Variants in PLCXD1 observed in about 807,000 individuals in gnomAD.
PLCXD1 encodes PI-PLC X domain-containing protein 1.
PLCXD1 carries 45 observed loss-of-function variants against 37.8 expected under a neutral mutation model. That is an observed-to-expected ratio of 1.19 (90% CI 0.94 to 1.53). PLCXD1 has a LOEUF of 1.53. PLCXD1 is among the 40% of genes most tolerant of loss of function. The pLI is 0.00. For missense variants in PLCXD1, 539 were observed against 454.7 expected (o/e 1.19, Z -1.69); for synonymous variants, 246 against 206.9 (o/e 1.19, Z -1.62).
chrX:288,165 C>T lies in PLCXD1; in HGVS notation c.128-568C>T, dbSNP rs2069516579. Among the ~76,000 whole-genome samples the T allele has an allele frequency of 2.0e-5, 3 of 151,870 alleles. No homozygotes were observed. In the South Asian group the frequency reaches 6.2e-4, roughly 32 times the overall value. On this transcript the variant is annotated intron_variant, in intron 2 of 6. Transcript: ENST00000381657. ...ACCCAGCACAAAGCCAAGATGACTT[C>T]ATCTTGAGCATTTTGAGAGCATGTG...
intron 6 of PLCXD1, among the ~76,000 whole-genome samples, chrX:295,008 A>G (rs1238954462): frequency 6.6e-6 from 1 of 151,736 alleles, no homozygotes; most frequent in African/African-American, 2.4e-5. Context: ...CTCTAGTAAA[A>G]ATACAAAAAG....
intron 2 of PLCXD1, among the ~76,000 whole-genome samples, chrX:284,630 G>T (rs1377689403): frequency 6.7e-6 from 1 of 148,254 alleles, no homozygotes; most frequent in Non-Finnish European, 1.5e-5. Context: ...ATCTGCACAC[G>T]CACATCTGCA....
rs935812202 is a variant in PLCXD1 at position 300,922 on chromosome X, C to G, written c.*1587C>G. The G allele has an allele frequency of 6.6e-6, 1 of 152,152 alleles. No homozygotes were observed. Among genetic ancestry groups the G allele is most frequent in the African/African-American group, 2.4e-5 (1 of 41,416 alleles). The allele number at this position is 152,152 out of a possible 1,614,324, so 9.4% of individuals were successfully genotyped here. ...TTCTCCGCGTTGGTCAGGCCGTTCT[C>G]AAACTTCTGACCTCAGGTGATCTGC... is the stretch of plus-strand genomic sequence containing the variant. On this transcript the variant is annotated 3_prime_UTR_variant, in exon 7 of 7. Transcript: ENST00000381657.
intron 2 of PLCXD1, among the ~76,000 whole-genome samples, 175 bp downstream of exon 2, chrX:284,489 CGT>C (rs1205810780): frequency 6.6e-6 from 1 of 152,172 alleles, no homozygotes. Context: ...ACAGTGCACA[CGT>C]GTGTGCATAC....
chrX:295,308 G>A (rs938510476), intron 6 of PLCXD1, among the ~76,000 whole-genome samples: 3 of 152,162 alleles, frequency 2.0e-5, no homozygotes, highest in African/African-American at 7.2e-5. Context: ...CCTGAGGGAG[G>A]GAGGGAGGAA....
At chrX:295,610 C>T (rs1230207226) in intron 6 of PLCXD1, among the ~76,000 whole-genome samples, 12 of 151,722 alleles carry the variant, frequency 7.9e-5, no homozygotes, top group African/African-American at 2.2e-4. Context: ...CTGCAACCTC[C>T]GTCTCCCGGG....
upstream of PLCXD1, among the ~76,000 whole-genome samples, chrX:279,409 C>A (rs1226977197): frequency 2.6e-5 from 4 of 152,162 alleles, no homozygotes; most frequent in African/African-American, 9.7e-5. Flanking sequence ...GACTGCTCCA[C>A]TGGTGGTGAG....
chrX:290,234 T>C (rs1426388399), intron 3 of PLCXD1, among the ~76,000 whole-genome samples: 1 of 152,066 alleles, frequency 6.6e-6, no homozygotes, highest in Non-Finnish European at 1.5e-5. Flanking sequence ...GAGACCGTCC[T>C]GGCTAACATG....
intron 2 of PLCXD1, among the ~76,000 whole-genome samples, chrX:284,809 C>T (rs1376160111): frequency 1.3e-5 from 2 of 152,198 alleles, no homozygotes; most frequent in African/African-American, 2.4e-5. Flanking sequence ...CTCACAATCA[C>T]GGCAGAAGGT....
chrX:297,831 G>A (rs867894177), intron 6 of PLCXD1, among the ~76,000 whole-genome samples: 746 of 20,498 alleles, frequency 0.036, no homozygotes, highest in Middle Eastern at 0.062. Flanking sequence ...GGATTAGGAC[G>A]TGGACATCTT....
chrX:292,607 C>T (rs2069672361), intron 5 of PLCXD1, among the ~76,000 whole-genome samples: 2 of 151,672 alleles, frequency 1.3e-5, no homozygotes, highest in Non-Finnish European at 1.5e-5. Context: ...TGCACCTGGC[C>T]ATACTTAATT....
At chrX:280,250 A>T, upstream of PLCXD1, among the ~76,000 whole-genome samples, 2 of 151,470 alleles carry the variant, frequency 1.3e-5, no homozygotes, top group Non-Finnish European at 2.9e-5. Context: ...CTCCAGGCAG[A>T]TCACTGCACA....
chrX:289,865 T>A (rs1198653545), intron 3 of PLCXD1, among the ~76,000 whole-genome samples: 1 of 152,054 alleles, frequency 6.6e-6, no homozygotes, highest in Non-Finnish European at 1.5e-5. Flanking sequence ...ATTTCTCGTG[T>A]CTTTAGGACC....
chrX:288,948 C>T, intron 3 of PLCXD1, 79 bp downstream of exon 3: 2 of 1,413,236 alleles, frequency 1.4e-6, no homozygotes, highest in East Asian at 2.3e-5. Flanking sequence ...GAAATGGCCC[C>T]TCACCCAGGT....
chrX:287,809 C>G (rs933707250), intron 2 of PLCXD1, among the ~76,000 whole-genome samples: 1 of 151,168 alleles, frequency 6.6e-6, no homozygotes, highest in African/African-American at 2.4e-5. Flanking sequence ...GTGTCATAGG[C>G]AGGAAATGCA....
rs187255404 is a variant in PLCXD1 at position 291,398 on chromosome X, G to A, written c.394-101G>A. ...TAACCTCAGGTGATCCACCCGCCTC[G>A]GCCTCCCAAATTGCTGGGATGACAG... On this transcript the variant is annotated intron_variant, in intron 4 of 6. Coordinates refer to ENST00000381657, the MANE Select transcript of PLCXD1 (RefSeq NM_018390.4). 2,550 of 1,340,296 alleles carry A rather than the reference G, an allele frequency of 1.9e-3. 37 individuals carry two copies. The African/African-American group carries it at 0.032, about 17-fold the overall frequency. 83.0% of individuals were successfully genotyped at this position (1,340,296 alleles called of 1,614,324 possible). A position where few individuals can be genotyped will look rare whatever the true frequency, so the allele number is the denominator to read the frequency against.
chrX:279,206 G>A (rs180956140), upstream of PLCXD1, among the ~76,000 whole-genome samples: 397 of 152,286 alleles, frequency 2.6e-3, 3 homozygotes, highest in East Asian at 0.018. Context: ...GAGAACTCAC[G>A]ATAGTAAAAT....
intron 5 of PLCXD1, among the ~76,000 whole-genome samples, chrX:292,213 T>C (rs968046467): frequency 5.5e-4 from 84 of 151,930 alleles, no homozygotes; most frequent in Non-Finnish European, 1.5e-4. Flanking sequence ...CCCAGGACTT[T>C]GGGAGGCCGA....
intron 3 of PLCXD1, 140 bp downstream of exon 3, chrX:289,009 T>C (rs1434847978): frequency 6.6e-6 from 5 of 763,200 alleles, no homozygotes; most frequent in Admixed American, 4.9e-5. Flanking sequence ...CTATCCCAGC[T>C]GCGGAGACAG....
Sources: gnomAD v4.1 joint callset for allele counts (sites outside exome capture counted in the v4.1 genomes callset) on GRCh38, gnomAD v4.1.1 for gene constraint, MANE v1.5 for transcripts, NCBI Gene and HGNC (gene_info 2026-07-23, HGNC 2026-07-21) for gene names.